The following SLC25A21 variants were observed in gnomAD, a reference collection of about 807,000 sequenced individuals.
The protein encoded by SLC25A21 is solute carrier family 25 member 21.
Under a neutral mutation model 43.8 loss-of-function variants are expected in SLC25A21, and 47 were observed. The ratio of observed to expected loss-of-function variants is 1.07; its 90% CI spans 0.85 to 1.37. The LOEUF is 1.37. SLC25A21 is among the 40% of genes most tolerant of loss of function. The pLI is 0.00. For missense variants in SLC25A21, 352 were observed against 350.2 expected (o/e 1.00, Z -0.04); for synonymous variants, 131 against 121.3 (o/e 1.08, Z -0.52).
intron 1 of SLC25A21, among the ~76,000 whole-genome samples, chr14:36,875,869 T>C (rs1209004189): frequency 6.6e-6 from 1 of 152,160 alleles, no homozygotes; most frequent in Admixed American, 6.5e-5. Flanking sequence ...ATAGGAGTAG[T>C]ACAGTAGTAT....
rs369889434 is a variant in SLC25A21 at position 37,106,825 on chromosome 14, G to C, written c.70+65456C>G. On this transcript the variant is annotated intron_variant, in intron 1 of 9. Transcript: ENST00000331299. ...CCTACCGATATGTGATATCACCCCC[G>C]GCAGCCCAGCTGTAAAATTCCTCTC... Among the ~76,000 whole-genome samples, 5 of 152,100 alleles carry C rather than the reference G, an allele frequency of 3.3e-5. No individual in the cohort carries two copies. In the East Asian group the frequency reaches 5.8e-4, roughly 18 times the overall value.
chr14:36,755,930 T>A (rs539273349), intron 3 of SLC25A21, among the ~76,000 whole-genome samples: 1 of 152,312 alleles, frequency 6.6e-6, no homozygotes, highest in African/African-American at 2.4e-5. Context: ...ATTTTCTGCA[T>A]GGCTGAGCCA....
At chr14:37,063,237 C>T (rs2138814870) in intron 1 of SLC25A21, among the ~76,000 whole-genome samples, 1 of 152,240 alleles carries the variant, frequency 6.6e-6, no homozygotes, top group Middle Eastern at 3.4e-3. Context: ...AGGTGGCTCA[C>T]ACCTGTAATC....
intron 3 of SLC25A21, among the ~76,000 whole-genome samples, chr14:36,778,467 G>T (rs848124): frequency 0.63 from 95,269 of 152,090 alleles, 30,448 homozygotes; most frequent in East Asian, 0.89. Context: ...CCCACTTTCA[G>T]CTCCTTAGTT....
intron 1 of SLC25A21, among the ~76,000 whole-genome samples, chr14:37,103,406 T>C (rs1962854309): frequency 6.6e-6 from 1 of 152,178 alleles, no homozygotes; most frequent in Admixed American, 6.5e-5. Context: ...TTCCAAAGCA[T>C]GGTCTGGTTT....
At chr14:36,872,312 A>G (rs1890397024) in intron 2 of SLC25A21, among the ~76,000 whole-genome samples, 2 of 152,182 alleles carry the variant, frequency 1.3e-5, no homozygotes, top group Admixed American at 6.5e-5. Flanking sequence ...TGCTGAATGA[A>G]TAACAACAGG....
At chr14:36,940,385 T>A (rs1198941204) in intron 1 of SLC25A21, among the ~76,000 whole-genome samples, 1 of 152,046 alleles carries the variant, frequency 6.6e-6, no homozygotes, top group Non-Finnish European at 1.5e-5. Flanking sequence ...GTATTTTTTT[T>A]AAAGGTTGCA....
rs528071432 is a variant in SLC25A21 at position 36,867,601 on chromosome 14, G to A, written c.119+7355C>T. Among the ~76,000 whole-genome samples, 3 of 152,232 alleles carry A rather than the reference G, an allele frequency of 2.0e-5. No homozygotes were observed. The East Asian group carries it at 5.8e-4, about 29-fold the overall frequency. On this transcript the variant is annotated intron_variant, in intron 2 of 9. Transcript: ENST00000331299. Reference sequence around the variant, plus strand: ...ACTTGCAAACACCTTGCTGAGGAAGGATTTGAATGTAGTGCTTACATAACA... The same window carrying A: ...ACTTGCAAACACCTTGCTGAGGAAGAATTTGAATGTAGTGCTTACATAACA...
chr14:36,860,293 A>G (rs766861391), intron 2 of SLC25A21, among the ~76,000 whole-genome samples: 1 of 152,202 alleles, frequency 6.6e-6, no homozygotes, highest in Non-Finnish European at 1.5e-5. Context: ...CTGAGACAGG[A>G]GAGGTATGTA....
intron 1 of SLC25A21, among the ~76,000 whole-genome samples, chr14:36,911,914 C>G (rs1037038267): frequency 6.6e-6 from 1 of 152,134 alleles, no homozygotes; most frequent in African/African-American, 2.4e-5. Flanking sequence ...TGCTCTTAAC[C>G]ACTTTCTAGC....
intron 2 of SLC25A21, among the ~76,000 whole-genome samples, chr14:36,865,501 G>A (rs762328310): frequency 6.6e-6 from 1 of 151,764 alleles, no homozygotes; most frequent in Non-Finnish European, 1.5e-5. Flanking sequence ...CAAGGCAACC[G>A]TTTTGTCCTC....
intron 1 of SLC25A21, among the ~76,000 whole-genome samples, chr14:37,163,007 T>C (rs1290933247): frequency 2.0e-5 from 3 of 152,064 alleles, no homozygotes; most frequent in African/African-American, 4.8e-5. Flanking sequence ...TGGATGAAAT[T>C]GGAAATCATC....
intron 7 of SLC25A21, among the ~76,000 whole-genome samples, chr14:36,708,195 G>A (rs544657658): frequency 6.6e-5 from 10 of 152,308 alleles, no homozygotes; most frequent in Non-Finnish European, 1.3e-4. Context: ...AGGTAATCTA[G>A]TCACAGGTTC....
intron 1 of SLC25A21, among the ~76,000 whole-genome samples, chr14:37,167,179 T>C (rs957468033): frequency 3.3e-5 from 5 of 152,104 alleles, no homozygotes; most frequent in Non-Finnish European, 7.4e-5. Flanking sequence ...ACAGGGAGTA[T>C]GAAATTCATT....
chr14:36,763,890 G>A (rs1014889780), intron 3 of SLC25A21, among the ~76,000 whole-genome samples: 1 of 150,880 alleles, frequency 6.6e-6, no homozygotes, highest in Non-Finnish European at 1.5e-5. Context: ...TTAGCCAGGT[G>A]CAATGGTGGG....
intron 3 of SLC25A21, among the ~76,000 whole-genome samples, chr14:36,763,614 C>T: frequency 6.6e-6 from 1 of 152,212 alleles, no homozygotes. Context: ...CTGGAAATAG[C>T]TTTTTACTGT....
chr14:36,729,063 C>T (rs553887288), intron 5 of SLC25A21, among the ~76,000 whole-genome samples: 3 of 152,322 alleles, frequency 2.0e-5, no homozygotes, highest in Admixed American at 1.3e-4. Flanking sequence ...AAAGGCCCTT[C>T]AGTCTGCATC....
chr14:36,714,544 T>C (rs1487575348), intron 6 of SLC25A21, among the ~76,000 whole-genome samples: 1 of 152,226 alleles, frequency 6.6e-6, no homozygotes, highest in Non-Finnish European at 1.5e-5. Flanking sequence ...CTGTGGGCTG[T>C]AGAAGTAAGG....
intron 1 of SLC25A21, among the ~76,000 whole-genome samples, chr14:36,960,150 C>T (rs1420139010): frequency 6.6e-6 from 1 of 152,138 alleles, no homozygotes; most frequent in Non-Finnish European, 1.5e-5. Context: ...TAGTACAAAA[C>T]ATGGTTGTCT....
Sources: gnomAD v4.1 joint callset for allele counts (sites outside exome capture counted in the v4.1 genomes callset) on GRCh38, gnomAD v4.1.1 for gene constraint, MANE v1.5 for transcripts, NCBI Gene and HGNC (gene_info 2026-07-23, HGNC 2026-07-21) for gene names.